KLF13: variants seen among roughly 807,000 people sequenced by gnomAD.
KLF13 encodes Krueppel-like factor 13.
Under a neutral mutation model 16.7 loss-of-function variants are expected in KLF13, and 8 were observed. That is an observed-to-expected ratio of 0.48 (90% confidence interval 0.28 to 0.87). The LOEUF is 0.87. Ranked by LOEUF, KLF13 falls within the 40% of genes least tolerant of loss-of-function variation. The pLI is 0.10. For missense variants in KLF13, 447 were observed against 452.2 expected, an observed-to-expected ratio of 0.99 and a Z score of 0.10; for synonymous variants, 245 against 208.4, an observed-to-expected ratio of 1.18 and a Z score of -1.51.
chr15:31,394,548 A>G (rs1226592837), intron 2 of KLF13, among the ~76,000 whole-genome samples: 1 of 151,858 alleles, frequency 6.6e-6, no homozygotes, highest in African/African-American at 2.4e-5. Flanking sequence ...GTGGGTGTGT[A>G]TTTTATATAG....
chr15:31,430,019 C>T (rs2040453342), intron 1 of KLF13, among the ~76,000 whole-genome samples: 2 of 152,158 alleles, frequency 1.3e-5, no homozygotes, highest in Admixed American at 1.3e-4. Context: ...AGATATGAGC[C>T]ACCGTGCCTG....
At chr15:31,410,919 A>G (rs934434931) in intron 1 of KLF13, among the ~76,000 whole-genome samples, 1 of 152,370 alleles carries the variant, frequency 6.6e-6, no homozygotes, top group Non-Finnish European at 1.5e-5. Flanking sequence ...AAATGCTTCA[A>G]ATAAGCAGAG....
chr15:31,366,729 C>CCTCAACTGTGTGCCCCCCTGTG (rs1555376575), intron 1 of KLF13, among the ~76,000 whole-genome samples: 2 of 150,170 alleles, frequency 1.3e-5, no homozygotes, highest in African/African-American at 4.9e-5. Flanking sequence ...TGGCCCCTCA[C>CCTCAACTGTGTGCCCCCCTGTG]CTCACTGTGT....
intron 1 of KLF13, among the ~76,000 whole-genome samples, chr15:31,352,399 G>A (rs886485455): frequency 4.6e-5 from 7 of 152,358 alleles, no homozygotes; most frequent in African/African-American, 1.7e-4. Context: ...AGACCTGACC[G>A]TACCAGTGAG....
At chr15:31,412,460 A>G (rs1375727912) in intron 1 of KLF13, among the ~76,000 whole-genome samples, 2 of 151,142 alleles carry the variant, frequency 1.3e-5, no homozygotes, top group African/African-American at 2.4e-5. Context: ...GGAAAAGTCC[A>G]AAAAAAAACC....
At chr15:31,427,609 A>G (rs1387368326) in intron 1 of KLF13, among the ~76,000 whole-genome samples, 2 of 152,250 alleles carry the variant, frequency 1.3e-5, no homozygotes, top group Non-Finnish European at 2.9e-5. Context: ...TGGTATACAC[A>G]TACAATGGTG....
intron 1 of KLF13, among the ~76,000 whole-genome samples, chr15:31,432,116 G>A (rs1205058309): frequency 6.6e-6 from 1 of 150,834 alleles, no homozygotes; most frequent in African/African-American, 2.5e-5. Context: ...AGGAAGACTA[G>A]AGAGAAAGGA....
At chr15:31,416,672 C>T (rs1176108617) in intron 1 of KLF13, among the ~76,000 whole-genome samples, 1 of 152,090 alleles carries the variant, frequency 6.6e-6, no homozygotes, top group Non-Finnish European at 1.5e-5. Flanking sequence ...TATCAAATAT[C>T]ATACTTAATA....
At chr15:31,397,262 G>A (rs2039966176) in intron 2 of KLF13, among the ~76,000 whole-genome samples, 1 of 151,784 alleles carries the variant, frequency 6.6e-6, no homozygotes, top group African/African-American at 2.4e-5. Context: ...GGGCAGGGCA[G>A]GGCAGGGGTG....
At chr15:31,371,760 T>C (rs2039557942) in intron 1 of KLF13, among the ~76,000 whole-genome samples, 1 of 152,228 alleles carries the variant, frequency 6.6e-6, no homozygotes, top group South Asian at 2.1e-4. Flanking sequence ...CCATGGGCCC[T>C]GCAGCTTCAG....
chr15:31,344,982 G>A (rs920119732), intron 1 of KLF13, among the ~76,000 whole-genome samples: 3 of 152,204 alleles, frequency 2.0e-5, no homozygotes, highest in African/African-American at 7.2e-5. Context: ...GGCTGGCCAG[G>A]GAGTGTGAGC....
intron 1 of KLF13, among the ~76,000 whole-genome samples, chr15:31,413,206 A>C (rs4779872): frequency 0.22 from 31,653 of 145,350 alleles, 4,760 homozygotes; most frequent in East Asian, 0.43. Context: ...AAAAAAACAA[A>C]AAACAAAAAA....
At chr15:31,405,593 G>T (rs748013388), downstream of KLF13, among the ~76,000 whole-genome samples, 4 of 152,222 alleles carry the variant, frequency 2.6e-5, no homozygotes, top group Non-Finnish European at 4.4e-5. Flanking sequence ...TAGGAGGAGG[G>T]TTAGTATATG....
At chr15:31,418,344 A>G (rs1285596791) in intron 1 of KLF13, among the ~76,000 whole-genome samples, 1 of 152,236 alleles carries the variant, frequency 6.6e-6, no homozygotes, top group Non-Finnish European at 1.5e-5. Flanking sequence ...AGTATATTAA[A>G]TCTAAAGAAA....
In KLF13 at chr15:31,394,975, CTTTGTTTTGT is replaced by C. The variant is rs758487907; in HGVS notation, n.529+1298_529+1307del. On this transcript the variant is annotated intron_variant and non_coding_transcript_variant, in intron 2 of 2. Transcript: ENST00000500533. ...GTATCATGTGTTAGTACTCCACTCC[CTTTGTTTTGT>C]TTTGTTTTGTTTTAGAGGGAGTCTC... 8.5e-5 allele frequency among the ~76,000 whole-genome samples: 13 copies of C among 152,088 alleles called. No homozygotes were observed. The East Asian group carries it at 2.5e-3, about 29-fold the overall frequency.
At chr15:31,383,712 A>T (rs1422712160) in intron 1 of KLF13, among the ~76,000 whole-genome samples, 1 of 152,148 alleles carries the variant, frequency 6.6e-6, no homozygotes, top group African/African-American at 2.4e-5. Context: ...CATCCTGGCT[A>T]ACACGGTGAA....
intron 1 of KLF13, among the ~76,000 whole-genome samples, chr15:31,354,273 G>A (rs1461443443): frequency 6.6e-6 from 1 of 152,276 alleles, no homozygotes; most frequent in East Asian, 1.9e-4. Context: ...CTGGTGAGCA[G>A]GCCTGGGGAG....
intron 1 of KLF13, among the ~76,000 whole-genome samples, chr15:31,353,561 C>T (rs946121664): frequency 1.3e-5 from 2 of 152,264 alleles, no homozygotes; most frequent in African/African-American, 4.8e-5. Context: ...TTCGGGGCTG[C>T]AGAGAACAAG....
intron 1 of KLF13, chr15:31,339,786 G>T (rs1156781329): frequency 9.9e-6 from 6 of 608,002 alleles, no homozygotes; most frequent in Non-Finnish European, 1.8e-5. Flanking sequence ...TAGGTAGCCT[G>T]GGCTGGCTGC....
Sources: gnomAD v4.1 joint callset for allele counts (sites outside exome capture counted in the v4.1 genomes callset) on GRCh38, gnomAD v4.1.1 for gene constraint, MANE v1.5 for transcripts, NCBI Gene and HGNC (gene_info 2026-07-23, HGNC 2026-07-21) for gene names.